GSAP: variants seen among roughly 807,000 people sequenced by gnomAD.
GSAP encodes gamma-secretase-activating protein.
A neutral mutation model predicts 131.7 loss-of-function variants in GSAP; 118 were observed. The observed-to-expected ratio is 0.90, with a 90% CI of 0.77 to 1.04. The LOEUF (loss-of-function observed/expected upper bound fraction) is 1.04. Among genes scored for constraint, GSAP ranks in the 50% least tolerant of loss-of-function variants. GSAP has a pLI of 0.00. For synonymous variants in GSAP, 381 were observed against 363.4 expected, an observed-to-expected ratio of 1.05 and a Z score of -0.55; for missense variants, 1,019 against 1,013.2, an observed-to-expected ratio of 1.01 and a Z score of -0.08.
At chr7:77,311,547 AT>A in intron 30 of GSAP, 98 bp from the exon 31 acceptor site, 1 of 646,244 alleles carries the variant, frequency 1.5e-6, no homozygotes. Context: ...TCATAATTGT[AT>A]TTTAGTAAAA....
chr7:77,416,437 C>T (rs1034476172), upstream of GSAP: 2 of 520,504 alleles, frequency 3.8e-6, no homozygotes, highest in African/African-American at 2.0e-5. Flanking sequence ...TCTCCCCCGC[C>T]CCCTGCTGCT....
At position 77,416,200 on chromosome 7, in the gene GSAP, G is replaced by T. The variant is rs878915052; in HGVS notation, c.109+13C>A. 3.7e-6 allele frequency: 4 copies of T among 1,077,534 alleles called. No homozygotes were observed. The highest frequency in any genetic ancestry group is 5.1e-6 in the Non-Finnish European group (4 of 790,168). 66.7% of individuals were successfully genotyped at this position (1,077,534 alleles called of 1,614,324 possible). On this transcript the variant is annotated intron_variant, in intron 1 of 30. Coordinates refer to ENST00000257626, the MANE Select transcript of GSAP (RefSeq NM_017439.4). ...CCCCGCCCCCACCCCTCTCCGCAGCGCGCCTCCCGCACCTGCGCCGCCGCT... is the reference window on the plus strand; with the variant it reads ...CCCCGCCCCCACCCCTCTCCGCAGCTCGCCTCCCGCACCTGCGCCGCCGCT...
At chr7:77,344,347 TA>T (rs1252133712) in intron 19 of GSAP, among the ~76,000 whole-genome samples, 1 of 152,116 alleles carries the variant, frequency 6.6e-6, no homozygotes, top group African/African-American at 2.4e-5. Context: ...GCCTCCAACT[TA>T]AAAAGGACTG....
In GSAP at chr7:77,388,269, G is replaced by A. The variant is rs146517331; in HGVS notation, c.368-821C>T. 1.6e-3 allele frequency among the ~76,000 whole-genome samples: 240 copies of A among 152,322 alleles called. 1 individual carries two copies. The highest frequency in any genetic ancestry group is 5.7e-3 in the African/African-American group (237 of 41,572). ...AGGCTTTTAAGTCTAAACAAACACA[G>A]TGCGATTCTCTGTCACTCCAATTCG... is the stretch of plus-strand genomic sequence containing the variant. On this transcript the variant is annotated intron_variant, in intron 5 of 30. Transcript: ENST00000257626.
chr7:77,316,716 T>C (rs1795004658), intron 26 of GSAP, among the ~76,000 whole-genome samples: 1 of 152,122 alleles, frequency 6.6e-6, no homozygotes. Context: ...CCCTTCATCC[T>C]CTATCCCCAG....
chr7:77,404,483 T>C lies in GSAP; in HGVS notation c.243+76A>G, dbSNP rs1241499323. The C allele has an allele frequency of 7.8e-6, 6 of 765,742 alleles. No individual in the cohort carries two copies. The African/African-American group carries it at 1.1e-4, about 14-fold the overall frequency. 47.4% of individuals were successfully genotyped at this position (765,742 alleles called of 1,614,324 possible). Reference sequence around the variant, plus strand: ...AAAAAGAGAAAATAAAGTTGGAATTTATATCTAGAAAAAGGAGGAGACAAA... The same window carrying C: ...AAAAAGAGAAAATAAAGTTGGAATTCATATCTAGAAAAAGGAGGAGACAAA... On this transcript the variant is annotated intron_variant, in intron 3 of 30. Coordinates refer to ENST00000257626, the MANE Select transcript of GSAP (RefSeq NM_017439.4).
At position 77,349,422 on chromosome 7, in the gene GSAP, A is replaced by G. The variant is rs377600284; in HGVS notation, c.1492-18T>C. 1.0e-4 allele frequency: 167 copies of G among 1,605,720 alleles called. No homozygotes were observed. The highest frequency in any genetic ancestry group is 1.4e-4 in the Non-Finnish European group (165 of 1,174,056). On this transcript the variant is annotated intron_variant, in intron 18 of 30. Transcript: ENST00000257626. ...GGAATTTCCTATAGTGGGGAAAAACACACACACACAGCTGCTCAGTGTATG... is the reference window on the plus strand; with the variant it reads ...GGAATTTCCTATAGTGGGGAAAAACGCACACACACAGCTGCTCAGTGTATG...
intron 10 of GSAP, 87 bp downstream of exon 10, chr7:77,376,761 G>C: frequency 1.5e-6 from 1 of 669,320 alleles, no homozygotes; most frequent in Non-Finnish European, 2.5e-6. Flanking sequence ...GTGCGACAGA[G>C]TGAGACTCCA....
At chr7:77,338,903 C>T (rs918445316) in intron 19 of GSAP, among the ~76,000 whole-genome samples, 13 of 152,082 alleles carry the variant, frequency 8.5e-5, no homozygotes, top group Non-Finnish European at 1.5e-5. Flanking sequence ...GAGGAAGGTA[C>T]CTATTCAGTT....
At chr7:77,353,774 C>T (rs979122461) in intron 16 of GSAP, 133 bp from the exon 17 acceptor site, 38 of 580,486 alleles carry the variant, frequency 6.5e-5, no homozygotes, top group Non-Finnish European at 1.1e-4. Context: ...ATACTCACTT[C>T]TATACTATCT....
chr7:77,339,078 TCA>T (rs1790490352), intron 19 of GSAP, among the ~76,000 whole-genome samples: 2 of 152,102 alleles, frequency 1.3e-5, no homozygotes, highest in African/African-American at 4.8e-5. Context: ...GTGATTGAGG[TCA>T]CGAGTGTCCA....
chr7:77,357,171 G>C (rs1793878810), intron 14 of GSAP, among the ~76,000 whole-genome samples: 1 of 152,204 alleles, frequency 6.6e-6, no homozygotes, highest in South Asian at 2.1e-4. Context: ...GAGGTAGTGA[G>C]AGGGAGATTC....
intron 3 of GSAP, among the ~76,000 whole-genome samples, chr7:77,402,616 A>AAAAAAAAAAATAAAAAAAAAT (rs375595494): frequency 1.2e-5 from 1 of 80,422 alleles, no homozygotes; most frequent in Non-Finnish European, 2.7e-5. Context: ...AAAAAAAAAA[A>AAAAAAAAAAATAAAAAAAAAT]GAATTTTAAA....
At chr7:77,384,182 T>C (rs1029322633) in intron 6 of GSAP, among the ~76,000 whole-genome samples, 7 of 152,196 alleles carry the variant, frequency 4.6e-5, no homozygotes, top group African/African-American at 1.2e-4. Context: ...TATGGAGATA[T>C]CTGCTGCTAT....
At chr7:77,314,333 C>A in intron 27 of GSAP, 37 bp downstream of exon 27, 1 of 1,610,886 alleles carries the variant, frequency 6.2e-7, no homozygotes, top group Non-Finnish European at 8.5e-7. Flanking sequence ...GGTGCTCAGG[C>A]TGGAACTAGC....
In GSAP at chr7:77,329,283, T is replaced by C. The variant is rs369261984; in HGVS notation, c.1733+50A>G. 4 of 1,014,784 alleles carry C rather than the reference T, an allele frequency of 3.9e-6. No individual in the cohort carries two copies. In the African/African-American group the frequency reaches 4.9e-5, roughly 13 times the overall value. 62.9% of individuals were successfully genotyped at this position (1,014,784 alleles called of 1,614,324 possible). ...AAAGGTAGCCAACAAAACAAAGTAA[T>C]TGTAAATGTCAACCATCTTACAGAT... On this transcript the variant is annotated intron_variant, in intron 21 of 30. Coordinates refer to ENST00000257626, the MANE Select transcript of GSAP (RefSeq NM_017439.4).
At chr7:77,401,378 G>C (rs1009048554) in intron 3 of GSAP, among the ~76,000 whole-genome samples, 5 of 151,894 alleles carry the variant, frequency 3.3e-5, no homozygotes, top group African/African-American at 1.2e-4. Context: ...TATATGGGGG[G>C]GAGAAAAATT....
In GSAP at chr7:77,379,618, C is replaced by T. The variant is rs558999949; in HGVS notation, c.576+1687G>A. On this transcript the variant is annotated intron_variant, in intron 8 of 30. Transcript: ENST00000257626. Reference sequence around the variant, plus strand: ...GCTCTCAAGCCCTCTTCTAACCAGCCAGTCCCCTGTCTATGCTCACTCTCA... The same window carrying T: ...GCTCTCAAGCCCTCTTCTAACCAGCTAGTCCCCTGTCTATGCTCACTCTCA... Among the ~76,000 whole-genome samples the T allele has an allele frequency of 3.9e-5, 6 of 152,244 alleles. No homozygotes were observed. In the South Asian group the frequency reaches 1.2e-3, roughly 32 times the overall value.
Position 77,345,409 on chromosome 7 carries a change from C to A in GSAP, c.1545+3942G>T, listed in dbSNP as rs901553296. 5.3e-5 allele frequency among the ~76,000 whole-genome samples: 8 copies of A among 152,106 alleles called. No homozygotes were observed. In the East Asian group the frequency reaches 1.5e-3, roughly 29 times the overall value. ...TTTTTGCTGCCCCAACACTTCAATG[C>A]TATTTTATGTTATTTTTCTTATTAA... is the stretch of plus-strand genomic sequence containing the variant. On this transcript the variant is annotated intron_variant, in intron 19 of 30. Coordinates refer to ENST00000257626, the MANE Select transcript of GSAP (RefSeq NM_017439.4).
Sources: allele counts gnomAD v4.1 joint callset (sites outside exome capture counted in the v4.1 genomes callset), GRCh38; gene constraint gnomAD v4.1.1; transcripts MANE v1.5; gene names NCBI Gene and HGNC (gene_info 2026-07-23, HGNC 2026-07-21).